COL22A1: variants seen among roughly 807,000 people sequenced by gnomAD.
The protein encoded by COL22A1 is collagen alpha-1(XXII) chain.
Under a neutral mutation model 248.9 loss-of-function variants are expected in COL22A1, and 221 were observed. The observed-to-expected ratio is 0.89, with a 90% CI of 0.80 to 0.99. COL22A1 has a LOEUF of 0.99. Ranked by LOEUF, COL22A1 falls within the 50% of genes least tolerant of loss-of-function variation. The probability of loss-of-function intolerance (pLI) is 0.00; values close to 1 mark genes in which losing one functional copy is unlikely to be tolerated. For missense variants in COL22A1, 2,240 were observed against 2,179.0 expected (o/e 1.03, Z -0.56); for synonymous variants, 891 against 793.4 (o/e 1.12, Z -2.07).
chr8:138,864,341 T>C (rs1294348307), intron 3 of COL22A1, among the ~76,000 whole-genome samples: 1 of 151,744 alleles, frequency 6.6e-6, no homozygotes, highest in Admixed American at 6.6e-5. Flanking sequence ...ATCTTATATA[T>C]CAGGGGGTCC....
intron 22 of COL22A1, among the ~76,000 whole-genome samples, chr8:138,746,200 C>A (rs572641003): frequency 6.6e-6 from 1 of 152,264 alleles, no homozygotes; most frequent in South Asian, 2.1e-4. Flanking sequence ...GGTTCTGTTG[C>A]CCCCCAACCC....
At position 138,636,813 on chromosome 8, in the gene COL22A1, G is replaced by A. The variant is rs780723218; in HGVS notation, c.3502-18C>T. 1.2e-5 allele frequency: 19 copies of A among 1,602,912 alleles called. No individual in the cohort carries two copies. The highest frequency in any genetic ancestry group is 1.6e-5 in the Non-Finnish European group (19 of 1,170,992). On this transcript the variant is annotated intron_variant, in intron 47 of 64. Coordinates refer to ENST00000303045, the MANE Select transcript of COL22A1 (RefSeq NM_152888.3). The stretch of plus-strand genomic sequence containing the variant: ...TGACTTCCCTTGAAAGGAAAAAAAA[G>A]AAAAGAAAGATGTCACTGGAAATTT...
At chr8:138,659,772 C>G (rs1823619113) in intron 44 of COL22A1, among the ~76,000 whole-genome samples, 1 of 152,216 alleles carries the variant, frequency 6.6e-6, no homozygotes, top group Non-Finnish European at 1.5e-5. Flanking sequence ...TCGGGCTGGA[C>G]TGAGGCCACA....
intron 11 of COL22A1, 22 bp from the exon 12 acceptor site, chr8:138,796,879 A>G: frequency 6.6e-7 from 1 of 1,521,742 alleles, no homozygotes; most frequent in South Asian, 1.1e-5. Context: ...AAAGAAGGCA[A>G]AGATTCACTA....
At chr8:138,892,624 C>A (rs564191362) in intron 1 of COL22A1, among the ~76,000 whole-genome samples, 11 of 152,218 alleles carry the variant, frequency 7.2e-5, no homozygotes, top group Non-Finnish European at 1.5e-4. Flanking sequence ...GGAGGCAGAG[C>A]TCTGCCATTA....
intron 18 of COL22A1, 69 bp from the exon 19 acceptor site, chr8:138,755,898 G>A: frequency 7.2e-7 from 1 of 1,396,708 alleles, no homozygotes; most frequent in Admixed American, 1.7e-5. Flanking sequence ...CCATCCCTCT[G>A]AGGCTTATTC....
intron 22 of COL22A1, among the ~76,000 whole-genome samples, chr8:138,748,993 T>A (rs1034774208): frequency 6.6e-6 from 1 of 152,222 alleles, no homozygotes; most frequent in Admixed American, 6.5e-5. Context: ...CTTGTGGTAG[T>A]GAATAAGTCT....
chr8:138,761,395 T>A (rs986863903), intron 17 of COL22A1, among the ~76,000 whole-genome samples: 1 of 152,192 alleles, frequency 6.6e-6, no homozygotes, highest in African/African-American at 2.4e-5. Flanking sequence ...TTTTAAATGG[T>A]TCCACGTTTA....
chr8:138,717,270 C>T (rs995827910), intron 27 of COL22A1, among the ~76,000 whole-genome samples: 1 of 152,070 alleles, frequency 6.6e-6, no homozygotes, highest in Non-Finnish European at 1.5e-5. Context: ...ACCTCAGCCT[C>T]CCGAGTAGCT....
chr8:138,778,126 G>A (rs1349216487), intron 15 of COL22A1: 5 of 604,410 alleles, frequency 8.3e-6, no homozygotes, highest in South Asian at 1.9e-5. Flanking sequence ...CTTGATGTGA[G>A]AAAGGGGTCC....
intron 55 of COL22A1, 30 bp downstream of exon 55, chr8:138,615,971 C>A: frequency 1.3e-6 from 2 of 1,591,280 alleles, no homozygotes; most frequent in Middle Eastern, 1.7e-4. Context: ...CCAGCCCCAG[C>A]CCAGCCAGGT....
intron 40 of COL22A1, among the ~76,000 whole-genome samples, chr8:138,678,368 T>A (rs1200356506): frequency 6.6e-6 from 1 of 152,192 alleles, no homozygotes; most frequent in Non-Finnish European, 1.5e-5. Context: ...CACTACCTGC[T>A]GTTTCTGGGT....
At chr8:138,868,425 G>A (rs941753210) in intron 3 of COL22A1, among the ~76,000 whole-genome samples, 5 of 152,086 alleles carry the variant, frequency 3.3e-5, no homozygotes, top group Non-Finnish European at 7.3e-5. Context: ...ATACATGTAT[G>A]GTATTGCAGT....
At chr8:138,684,523 C>A in intron 38 of COL22A1, 54 bp from the exon 39 acceptor site, 3 of 1,291,754 alleles carry the variant, frequency 2.3e-6, no homozygotes. Flanking sequence ...GAACACTGAC[C>A]CATCCACCAC....
At chr8:138,693,079 C>G (rs567990629) in intron 35 of COL22A1, among the ~76,000 whole-genome samples, 21 of 152,308 alleles carry the variant, frequency 1.4e-4, no homozygotes, top group Non-Finnish European at 2.5e-4. Context: ...CCTGAGCTCT[C>G]TGGCTCCGCA....
chr8:138,606,416 C>T lies in COL22A1; in HGVS notation c.4069G>A (p.Gly1357Arg), dbSNP rs1167102387. Residue 1357 changes from glycine (G) to arginine (R), a missense_variant, in exon 58 of 65, where the codon GGA becomes AGA. By Grantham distance (125) the Gly-to-Arg change is moderately radical (BLOSUM62 -2). Transcript: ENST00000303045. ...CGGGGACCCAGGAAGCCAGGAAGTC[C>T]TGGGCTGCCATTTTCCCCTTTGCTT... Reference protein sequence around the residue: ...KGSKGENGSPGLPGFLGPRGP... With the variant: ...KGSKGENGSPRLPGFLGPRGP... The T allele has an allele frequency of 4.3e-6, 7 of 1,613,644 alleles. No homozygotes were observed. The highest frequency in any genetic ancestry group is 5.1e-6 in the Non-Finnish European group (6 of 1,179,902).
At chr8:138,875,799 AAG>A (rs1823672372) in intron 3 of COL22A1, among the ~76,000 whole-genome samples, 1 of 152,204 alleles carries the variant, frequency 6.6e-6, no homozygotes. Flanking sequence ...ATCTATAAAA[AAG>A]AGAGAATCCT....
chr8:138,679,769 A>G (rs1366370960), intron 39 of COL22A1, 93 bp from the exon 40 acceptor site: 5 of 1,123,548 alleles, frequency 4.5e-6, no homozygotes, highest in Non-Finnish European at 6.8e-6. Flanking sequence ...TACTGGATCT[A>G]TGCATCTCTG....
intron 36 of COL22A1, among the ~76,000 whole-genome samples, chr8:138,690,111 T>C (rs1360317803): frequency 1.3e-5 from 2 of 152,234 alleles, no homozygotes; most frequent in Non-Finnish European, 2.9e-5. Flanking sequence ...ATGCCTGGCA[T>C]GTATAAAGGC....
Sources: gnomAD v4.1 joint callset for allele counts (sites outside exome capture counted in the v4.1 genomes callset) on GRCh38, gnomAD v4.1.1 for gene constraint, MANE v1.5 for transcripts, NCBI Gene and HGNC (gene_info 2026-07-23, HGNC 2026-07-21) for gene names.